PKIB: variants seen among roughly 807,000 people sequenced by gnomAD.
The protein encoded by PKIB is cAMP-dependent protein kinase inhibitor beta, also known as PKI-beta.
PKIB carries 2 observed loss-of-function variants against 4.5 expected under a neutral mutation model. That is an observed-to-expected ratio of 0.44 (90% CI 0.18 to 1.39). The LOEUF (loss-of-function observed/expected upper bound fraction) is 1.39, where lower values mean the gene tolerates loss of function less well. Ranked by LOEUF, PKIB falls within the 40% of genes most tolerant of loss-of-function variation. PKIB has a pLI of 0.27. For missense variants in PKIB, 94 were observed against 92.6 expected (o/e 1.02, Z -0.06); for synonymous variants, 38 against 36.0 (o/e 1.06, Z -0.20).
chr6:122,668,253 T>C (rs1383344828), intron 2 of PKIB, among the ~76,000 whole-genome samples: 1 of 152,192 alleles, frequency 6.6e-6, no homozygotes, highest in Non-Finnish European at 1.5e-5. Context: ...AAAAGAATAC[T>C]GTATATAGGA....
At chr6:122,687,916 T>C (rs1434402365) in intron 3 of PKIB, among the ~76,000 whole-genome samples, 1 of 152,122 alleles carries the variant, frequency 6.6e-6, no homozygotes, top group Non-Finnish European at 1.5e-5. Flanking sequence ...ATTTGACTTC[T>C]TTCTTTCCAA....
chr6:122,646,975 T>C (rs545222868), intron 2 of PKIB, among the ~76,000 whole-genome samples: 46 of 152,130 alleles, frequency 3.0e-4, no homozygotes, highest in Admixed American at 7.2e-4. Flanking sequence ...AATTTTATTT[T>C]AATATTTTCC....
chr6:122,718,532 G>A (rs1431407436), intron 4 of PKIB, among the ~76,000 whole-genome samples: 1 of 151,958 alleles, frequency 6.6e-6, no homozygotes, highest in Non-Finnish European at 1.5e-5. Flanking sequence ...CCCTCATGGA[G>A]ATTTAAAAAA....
At chr6:122,512,514 T>C (rs1035467912) in intron 2 of PKIB, among the ~76,000 whole-genome samples, 1 of 152,208 alleles carries the variant, frequency 6.6e-6, no homozygotes, top group Non-Finnish European at 1.5e-5. Context: ...ATATATGAGA[T>C]CTGTTTTCAG....
chr6:122,702,696 A>G (rs1364059431), intron 3 of PKIB, among the ~76,000 whole-genome samples: 2 of 152,124 alleles, frequency 1.3e-5, no homozygotes, highest in Non-Finnish European at 2.9e-5. Context: ...TCTCCATGAG[A>G]AAGATTCGAC....
At chr6:122,516,506 A>G (rs1008224789) in intron 2 of PKIB, among the ~76,000 whole-genome samples, 5 of 152,162 alleles carry the variant, frequency 3.3e-5, no homozygotes, top group Admixed American at 2.6e-4. Flanking sequence ...CTTCTTGGGT[A>G]ATCAATATGT....
At chr6:122,654,262 A>G (rs1169237444) in intron 2 of PKIB, among the ~76,000 whole-genome samples, 2 of 152,184 alleles carry the variant, frequency 1.3e-5, no homozygotes, top group African/African-American at 4.8e-5. Context: ...TCATAAAGAC[A>G]ATGTAGATAA....
chr6:122,566,524 T>C (rs541903451), intron 2 of PKIB, among the ~76,000 whole-genome samples: 3 of 152,106 alleles, frequency 2.0e-5, no homozygotes, highest in Non-Finnish European at 4.4e-5. Context: ...TTAAAATACA[T>C]TATTTTTATA....
At chr6:122,690,365 T>A (rs1481280558) in intron 3 of PKIB, among the ~76,000 whole-genome samples, 2 of 152,062 alleles carry the variant, frequency 1.3e-5, no homozygotes, top group African/African-American at 4.8e-5. Flanking sequence ...TTTTCTCTGG[T>A]GGCATAGTTT....
intron 2 of PKIB, among the ~76,000 whole-genome samples, chr6:122,511,142 C>T (rs1211661033): frequency 6.6e-6 from 1 of 152,194 alleles, no homozygotes; most frequent in African/African-American, 2.4e-5. Flanking sequence ...ACCAGTGCTG[C>T]ATGCAGCAAT....
At chr6:122,542,016 C>G (rs1409586639) in intron 2 of PKIB, among the ~76,000 whole-genome samples, 1 of 152,006 alleles carries the variant, frequency 6.6e-6, no homozygotes. Context: ...ATTCTCGAGC[C>G]TTGGCTTTCA....
chr6:122,619,910 A>G (rs1775154874), intron 1 of PKIB, among the ~76,000 whole-genome samples: 1 of 152,076 alleles, frequency 6.6e-6, no homozygotes, highest in Admixed American at 6.6e-5. Flanking sequence ...AATAATAATA[A>G]ATTAATCTAT....
intron 2 of PKIB, among the ~76,000 whole-genome samples, chr6:122,503,957 T>C (rs766656370): frequency 6.6e-5 from 10 of 152,244 alleles, no homozygotes; most frequent in Non-Finnish European, 1.2e-4. Context: ...GTAATGATAA[T>C]GAATTGATTC....
intron 3 of PKIB, among the ~76,000 whole-genome samples, chr6:122,705,077 A>C (rs1387846848): frequency 1.3e-5 from 2 of 152,086 alleles, no homozygotes; most frequent in African/African-American, 4.8e-5. Flanking sequence ...TACCAGAAAA[A>C]CACTATAGCT....
At chr6:122,662,308 C>CATTTTTTTTTTTTT (rs1491515725) in intron 2 of PKIB, among the ~76,000 whole-genome samples, 1 of 13,252 alleles carries the variant, frequency 7.5e-5, no homozygotes, top group Non-Finnish European at 1.5e-4. Flanking sequence ...TCCTTGTCTC[C>CATTTTTTTTTTTTT]TTTTTTTTTT....
intron 2 of PKIB, among the ~76,000 whole-genome samples, chr6:122,515,060 A>G (rs1383097476): frequency 6.6e-6 from 1 of 152,204 alleles, no homozygotes; most frequent in African/African-American, 2.4e-5. Context: ...TACAGCTGGT[A>G]TTAGTGTAGT....
intron 3 of PKIB, among the ~76,000 whole-genome samples, chr6:122,587,562 G>A (rs376642950): frequency 6.4e-4 from 98 of 152,098 alleles, no homozygotes; most frequent in East Asian, 1.7e-3. Flanking sequence ...TGGCTGGGTC[G>A]AATGGTATTT....
intron 3 of PKIB, among the ~76,000 whole-genome samples, chr6:122,601,559 C>A (rs1774369186): frequency 6.6e-6 from 1 of 152,116 alleles, no homozygotes. Context: ...TGTAGAGTTT[C>A]TTCCACCTCT....
chr6:122,480,411 A>T (rs1190260659), intron 2 of PKIB: 1 of 152,126 alleles, frequency 6.6e-6, no homozygotes, highest in African/African-American at 2.4e-5. Flanking sequence ...CACTATTTTG[A>T]TTTTCAATTC....
Sources: gnomAD v4.1 joint callset for allele counts (sites outside exome capture counted in the v4.1 genomes callset) on GRCh38, gnomAD v4.1.1 for gene constraint, MANE v1.5 for transcripts, NCBI Gene and HGNC (gene_info 2026-07-23, HGNC 2026-07-21) for gene names.